The following SHANK2 variants were observed in gnomAD, a reference collection of about 807,000 sequenced individuals.
SHANK2 encodes the protein SH3 and multiple ankyrin repeat domains protein 2.
SHANK2 carries 43 observed loss-of-function variants against 133.7 expected under a neutral mutation model. The observed-to-expected ratio is 0.32, with a 90% CI of 0.25 to 0.41. The LOEUF (loss-of-function observed/expected upper bound fraction) is 0.41, where lower values mean the gene tolerates loss of function less well. Ranked by LOEUF, SHANK2 falls within the 10% of genes least tolerant of loss-of-function variation. The pLI, the probability that SHANK2 is intolerant of heterozygous loss-of-function variation, is 1.00. For missense variants in SHANK2, 1,994 were observed against 2,235.8 expected, an observed-to-expected ratio of 0.89 and a Z score of 2.18; for synonymous variants, 1,017 against 952.8, an observed-to-expected ratio of 1.07 and a Z score of -1.24.
At chr11:71,240,058 T>C (rs1302903927) in intron 1 of SHANK2, among the ~76,000 whole-genome samples, 1 of 152,198 alleles carries the variant, frequency 6.6e-6, no homozygotes, top group Non-Finnish European at 1.5e-5. Context: ...AGACTGCTTC[T>C]GGTAAGAACC....
At chr11:70,475,440 G>A (rs1475303174) in intron 25 of SHANK2, among the ~76,000 whole-genome samples, 1 of 152,148 alleles carries the variant, frequency 6.6e-6, no homozygotes, top group Non-Finnish European at 1.5e-5. Flanking sequence ...GACGGGCCCC[G>A]CTGCTGGTCT....
intron 17 of SHANK2, among the ~76,000 whole-genome samples, chr11:70,537,850 C>A (rs1554974443): frequency 6.6e-6 from 1 of 152,196 alleles, no homozygotes; most frequent in East Asian, 1.9e-4. Flanking sequence ...CCGACGTCAA[C>A]CCTGCAGCAG....
chr11:70,616,129 G>A (rs1245043948), intron 17 of SHANK2, among the ~76,000 whole-genome samples: 1 of 152,174 alleles, frequency 6.6e-6, no homozygotes, highest in East Asian at 1.9e-4. Flanking sequence ...TCATCAGGAT[G>A]GGGGGCACAT....
At chr11:70,723,303 C>G (rs558210278) in intron 14 of SHANK2, among the ~76,000 whole-genome samples, 269 of 150,582 alleles carry the variant, frequency 1.8e-3, no homozygotes, top group Non-Finnish European at 2.7e-3. Context: ...GGGTCTGTCT[C>G]TCTCTCTCTC....
intron 10 of SHANK2, among the ~76,000 whole-genome samples, chr11:70,921,967 A>T (rs532083209): frequency 6.6e-6 from 1 of 152,366 alleles, no homozygotes; most frequent in African/African-American, 2.4e-5. Flanking sequence ...AGACCCATGG[A>T]TGATCCAGAT....
chr11:70,906,579 C>A (rs1590818697), intron 10 of SHANK2, among the ~76,000 whole-genome samples: 2 of 152,184 alleles, frequency 1.3e-5, no homozygotes, highest in Non-Finnish European at 2.9e-5. Context: ...GATCCTGACA[C>A]CCCCTCGCCA....
At chr11:70,790,287 C>T (rs1184873244) in intron 14 of SHANK2, among the ~76,000 whole-genome samples, 1 of 152,132 alleles carries the variant, frequency 6.6e-6, no homozygotes, top group Non-Finnish European at 1.5e-5. Flanking sequence ...TGTCTCTCCA[C>T]CCAGGGTGCA....
chr11:70,756,907 C>CCTGGGCTCAGACCCAGGCTCCAAACCT (rs1946888080), intron 14 of SHANK2, among the ~76,000 whole-genome samples: 1 of 97,314 alleles, frequency 1.0e-5, no homozygotes, highest in African/African-American at 3.6e-5. Flanking sequence ...ATAGAGCAGA[C>CCTGGGCTCAGACCCAGGCTCCAAACCT]CCTGGGCTCA....
At chr11:70,536,040 G>A (rs782524183) in intron 17 of SHANK2, among the ~76,000 whole-genome samples, 6 of 152,296 alleles carry the variant, frequency 3.9e-5, no homozygotes, top group Admixed American at 2.6e-4. Flanking sequence ...ACACACTGTC[G>A]CCAAGGCACG....
intron 11 of SHANK2, among the ~76,000 whole-genome samples, chr11:70,865,306 T>C (rs988076390): frequency 4.6e-5 from 7 of 152,126 alleles, no homozygotes; most frequent in Non-Finnish European, 1.0e-4. Context: ...CTTCTCTCAC[T>C]GGACAAACCA....
intron 14 of SHANK2, among the ~76,000 whole-genome samples, chr11:70,763,967 T>C (rs966530283): frequency 6.6e-6 from 1 of 152,188 alleles, no homozygotes; most frequent in Non-Finnish European, 1.5e-5. Flanking sequence ...TCATACCACA[T>C]TAAACTGCAT....
intron 17 of SHANK2, among the ~76,000 whole-genome samples, chr11:70,555,717 C>T (rs186379293): frequency 6.6e-6 from 1 of 152,200 alleles, no homozygotes; most frequent in East Asian, 1.9e-4. Context: ...AAGAGTGAGA[C>T]CCTGTTTCAA....
At position 71,188,756 on chromosome 11, in the gene SHANK2, G is replaced by A. The variant is rs1288594719; in HGVS notation, c.-13+35941C>T. 1.4e-4 allele frequency among the ~76,000 whole-genome samples: 21 copies of A among 152,182 alleles called. No individual in the cohort carries two copies. Among genetic ancestry groups the A allele is most frequent in the Non-Finnish European group, 2.9e-5 (2 of 68,036 alleles). ...TGAGGGCCTGCCACGTCCCTGCACT[G>A]TGCTGGGTGCTGGCCTCACTGAGAT... On this transcript the variant is annotated intron_variant, in intron 2 of 25. Transcript: ENST00000601538. This position sits in a 1 kb window ranked among gnomAD's most constrained non-coding sequence, Gnocchi z 4.6.
intron 14 of SHANK2, among the ~76,000 whole-genome samples, chr11:70,752,315 C>A (rs1591813556): frequency 6.6e-6 from 1 of 152,164 alleles, no homozygotes; most frequent in African/African-American, 2.4e-5. Flanking sequence ...TAGAAAAAGA[C>A]ATACACACAC....
chr11:70,794,315 C>T (rs528854440), intron 14 of SHANK2, among the ~76,000 whole-genome samples: 1 of 151,780 alleles, frequency 6.6e-6, no homozygotes, highest in African/African-American at 2.4e-5. Flanking sequence ...CCACTGAGTC[C>T]TGCAATACAT....
intron 1 of SHANK2, among the ~76,000 whole-genome samples, chr11:71,238,064 C>A (rs554376396): frequency 1.3e-5 from 2 of 152,302 alleles, no homozygotes; most frequent in South Asian, 4.1e-4. Context: ...TCAGGGGGCC[C>A]CCAATGTTGC....
chr11:70,538,731 G>T (rs1443814167), intron 17 of SHANK2, among the ~76,000 whole-genome samples: 2 of 152,192 alleles, frequency 1.3e-5, no homozygotes, highest in East Asian at 1.9e-4. Context: ...CACCAGCCAG[G>T]GGGCAGAACA....
intron 12 of SHANK2, among the ~76,000 whole-genome samples, chr11:70,811,359 A>G (rs1370091464): frequency 6.6e-6 from 1 of 152,184 alleles, no homozygotes; most frequent in African/African-American, 2.4e-5. Context: ...AGCTCCTGCA[A>G]GGAACCCCAC....
chr11:70,876,342 A>C (rs1949564525), intron 11 of SHANK2, among the ~76,000 whole-genome samples: 1 of 150,194 alleles, frequency 6.7e-6, no homozygotes, highest in Non-Finnish European at 1.5e-5. Flanking sequence ...CGGGCAGATC[A>C]CGAGGTCAGG....
Sources: gnomAD v4.1 joint callset for allele counts (sites outside exome capture counted in the v4.1 genomes callset) on GRCh38, gnomAD v4.1.1 for gene constraint, Gnocchi (gnomAD v3.1) non-coding constraint, MANE v1.5 for transcripts, NCBI Gene and HGNC (gene_info 2026-07-23, HGNC 2026-07-21) for gene names.